WNT9B: variants seen among roughly 807,000 people sequenced by gnomAD.
WNT9B encodes the protein Wnt family member 9B.
WNT9B carries 12 observed loss-of-function variants against 30.2 expected under a neutral mutation model. The ratio of observed to expected loss-of-function variants is 0.40; its 90% CI spans 0.26 to 0.64. The LOEUF (loss-of-function observed/expected upper bound fraction) is 0.64. Ranked by LOEUF, WNT9B falls within the 30% of genes least tolerant of loss-of-function variation. WNT9B has a pLI of 0.42. For synonymous variants in WNT9B, 218 were observed against 216.9 expected (o/e 1.01, Z -0.05); for missense variants, 442 against 485.2 (o/e 0.91, Z 0.84).
rs1320635962 is a variant in WNT9B at position 46,878,373 on chromosome 17, T to C, written c.*1655T>C. ...GCTGACTGTGCCCTGGCCAACTCCCTGAGACCTCCAAGGGCGAGGAGGAGC... is the reference window on the plus strand; with the variant it reads ...GCTGACTGTGCCCTGGCCAACTCCCCGAGACCTCCAAGGGCGAGGAGGAGC... On this transcript the variant is annotated 3_prime_UTR_variant, in exon 4 of 4. Transcript: ENST00000290015. Among the ~76,000 whole-genome samples, 2 of 152,206 alleles carry C rather than the reference T, an allele frequency of 1.3e-5. No individual in the cohort carries two copies. The highest frequency in any genetic ancestry group is 3.9e-4 in the East Asian group (2 of 5,194).
intron 1 of WNT9B, among the ~76,000 whole-genome samples, chr17:46,842,758 A>C (rs1255544469): frequency 6.6e-6 from 1 of 152,248 alleles, no homozygotes; most frequent in Non-Finnish European, 1.5e-5. Flanking sequence ...AGTGATGCTC[A>C]AAACGTAGCT....
Position 46,880,183 on chromosome 17 carries a change from T to A in WNT9B, c.*3465T>A, listed in dbSNP as rs927504347. ...GCTCATGGATGCCCCTGCCTGCCTC[T>A]CATGAGCACATAGTCCTGTCCCCTG... On this transcript the variant is annotated 3_prime_UTR_variant, in exon 4 of 4. Coordinates refer to ENST00000290015, the MANE Select transcript of WNT9B (RefSeq NM_003396.3). Among the ~76,000 whole-genome samples, 1 of 152,276 alleles carries A rather than the reference T, an allele frequency of 6.6e-6. No homozygotes were observed. The highest frequency in any genetic ancestry group is 2.1e-4 in the South Asian group (1 of 4,828).
At chr17:46,847,974 G>GTGTGTGTGTGTC (rs1363933501), upstream of WNT9B, among the ~76,000 whole-genome samples, 89 of 112,360 alleles carry the variant, frequency 7.9e-4, no homozygotes, top group African/African-American at 2.9e-3. Flanking sequence ...CAAAGTGTGT[G>GTGTGTGTGTGTC]TGTGTGTGTG....
rs560267387 is a variant in WNT9B at position 46,878,833 on chromosome 17, C to G, written c.*2115C>G. Among the ~76,000 whole-genome samples, 6 of 152,338 alleles carry G rather than the reference C, an allele frequency of 3.9e-5. No homozygotes were observed. Among genetic ancestry groups the G allele is most frequent in the African/African-American group, 1.2e-4 (5 of 41,584 alleles). ...GGGCAAAGGGCAGGCTCTAAGGCATCTAGGCAGTGGCTGGCTGCTAACATG... is the reference window on the plus strand; with the variant it reads ...GGGCAAAGGGCAGGCTCTAAGGCATGTAGGCAGTGGCTGGCTGCTAACATG... On this transcript the variant is annotated 3_prime_UTR_variant, in exon 4 of 4. Coordinates refer to ENST00000290015, the MANE Select transcript of WNT9B (RefSeq NM_003396.3).
intron 1 of WNT9B, among the ~76,000 whole-genome samples, chr17:46,857,791 G>T (rs1017502508): frequency 6.6e-6 from 1 of 152,116 alleles, no homozygotes; most frequent in African/African-American, 2.4e-5. Context: ...ATCTCATTGT[G>T]GTTTTAATTT....
At chr17:46,854,485 T>C (rs1241765056) in intron 1 of WNT9B, among the ~76,000 whole-genome samples, 2 of 152,148 alleles carry the variant, frequency 1.3e-5, no homozygotes, top group African/African-American at 4.8e-5. Flanking sequence ...GGATCTCTGG[T>C]CCAAAACTCA....
chr17:46,856,264 G>A (rs76053244), intron 1 of WNT9B, among the ~76,000 whole-genome samples: 2,041 of 152,250 alleles, frequency 0.013, 19 homozygotes, highest in East Asian at 0.017. Context: ...TGAGAGGTGA[G>A]GGTGAGGCTT....
upstream of WNT9B, among the ~76,000 whole-genome samples, chr17:46,851,355 G>A (rs78744673): frequency 0.2 from 29,519 of 151,182 alleles, 3,540 homozygotes; most frequent in East Asian, 0.5. This position sits in a 1 kb window ranked among gnomAD's most constrained non-coding sequence, Gnocchi z 4.3. Flanking sequence ...GGGCGGGCGC[G>A]GCGCCAGGTG....
At position 46,851,740 on chromosome 17, in the gene WNT9B, C is replaced by G; in HGVS notation, c.77+25C>G. ...GGTCAGTGCCCGCCGCGCCCCCCGCCCGCTCCCCGGCCTGCCTGTCTCTCC... is the reference window on the plus strand; with the variant it reads ...GGTCAGTGCCCGCCGCGCCCCCCGCGCGCTCCCCGGCCTGCCTGTCTCTCC... On this transcript the variant is annotated intron_variant, in intron 1 of 3. Coordinates refer to ENST00000290015, the MANE Select transcript of WNT9B (RefSeq NM_003396.3). This position sits in a 1 kb window ranked among gnomAD's most constrained non-coding sequence, Gnocchi z 4.3. The G allele has an allele frequency of 8.1e-7, 1 of 1,231,232 alleles. No homozygotes were observed. 76.3% of individuals were successfully genotyped at this position (1,231,232 alleles called of 1,614,324 possible). A position where few individuals can be genotyped will look rare whatever the true frequency, so the allele number is the denominator to read the frequency against.
chr17:46,871,069 C>T (rs534450709), intron 1 of WNT9B, among the ~76,000 whole-genome samples: 2 of 152,094 alleles, frequency 1.3e-5, no homozygotes, highest in Admixed American at 1.3e-4. Flanking sequence ...TGCCACCATG[C>T]CCACATAATT....
At chr17:46,882,964 G>T (rs1344316120), downstream of WNT9B, among the ~76,000 whole-genome samples, 1 of 151,926 alleles carries the variant, frequency 6.6e-6, no homozygotes, top group Non-Finnish European at 1.5e-5. Flanking sequence ...AACCCCAGGG[G>T]TCCATACAAC....
intron 1 of WNT9B, among the ~76,000 whole-genome samples, chr17:46,852,389 AGTGTGTGTGTGTGTGTGTGTGTGTGT>A (rs61138160): frequency 6.6e-5 from 7 of 105,322 alleles, no homozygotes; most frequent in African/African-American, 2.2e-4. Context: ...GAGAGGGCCC[AGTGTGTGTGTGTGTGTGTGTGTGTGT>A]GTGTGTGTGT....
exon 5 of WNT9B, chr17:46,886,692 CA>C (rs1240251887): frequency 6.6e-6 from 1 of 152,170 alleles, no homozygotes; most frequent in Non-Finnish European, 1.5e-5. Context: ...GAGGGATGCC[CA>C]ATTCTAGAAT....
At chr17:46,839,481 G>A (rs186670222) in intron 1 of WNT9B, among the ~76,000 whole-genome samples, 20 of 152,312 alleles carry the variant, frequency 1.3e-4, no homozygotes, top group African/African-American at 3.1e-4. Context: ...CAACGCAGGC[G>A]TCAAGGCAGC....
chr17:46,845,101 G>A (rs962707158), intron 1 of WNT9B, among the ~76,000 whole-genome samples: 12 of 152,260 alleles, frequency 7.9e-5, no homozygotes, highest in Non-Finnish European at 1.3e-4. Flanking sequence ...CACTCGCCTC[G>A]GCCTCCCAAA....
At chr17:46,881,443 A>T (rs2085421254), downstream of WNT9B, among the ~76,000 whole-genome samples, 1 of 152,210 alleles carries the variant, frequency 6.6e-6, no homozygotes, top group African/African-American at 2.4e-5. Context: ...CAAGGTGGAC[A>T]CCCTTCTTCT....
At chr17:46,846,060 G>T (rs184423250) in intron 1 of WNT9B, among the ~76,000 whole-genome samples, 108 of 152,144 alleles carry the variant, frequency 7.1e-4, no homozygotes, top group Non-Finnish European at 1.2e-3. Context: ...CAAAGTTCTG[G>T]GATTATAGGT....
downstream of WNT9B, chr17:46,885,013 A>C (rs745825895): frequency 1.7e-4 from 74 of 435,572 alleles, 1 homozygote; most frequent in South Asian, 1.2e-3. Flanking sequence ...TTTTAGACGA[A>C]GTCTTGTTCT....
chr17:46,872,219 C>T lies in WNT9B; in HGVS notation c.78-298C>T, dbSNP rs1453535140. Among the ~76,000 whole-genome samples, 5 of 152,168 alleles carry T rather than the reference C, an allele frequency of 3.3e-5. No homozygotes were observed. In the East Asian group the frequency reaches 5.8e-4, roughly 18 times the overall value. On this transcript the variant is annotated intron_variant, in intron 1 of 3. Coordinates refer to ENST00000290015, the MANE Select transcript of WNT9B (RefSeq NM_003396.3). ...TTGCCCAGCATGGATCCTGGGAAAG[C>T]GTATTTTTAATAAGCACCCCAGATG...
Sources: gnomAD v4.1 joint callset for allele counts (sites outside exome capture counted in the v4.1 genomes callset) on GRCh38, gnomAD v4.1.1 for gene constraint, Gnocchi (gnomAD v3.1) non-coding constraint, MANE v1.5 for transcripts, NCBI Gene and HGNC (gene_info 2026-07-23, HGNC 2026-07-21) for gene names.